Variants in ZMAT4 observed in about 807,000 individuals in gnomAD.
ZMAT4 encodes zinc finger matrin-type 4.
In ZMAT4, 17 loss-of-function variants were observed where a neutral mutation model predicts 28.7. The ratio of observed to expected loss-of-function variants is 0.59; its 90% CI spans 0.41 to 0.89. ZMAT4 has a LOEUF of 0.89. ZMAT4 is among the 40% of genes least tolerant of loss of function. The probability of loss-of-function intolerance (pLI) is 0.00; values close to 1 mark genes in which losing one functional copy is unlikely to be tolerated. For missense variants in ZMAT4, 240 were observed against 283.8 expected (o/e 0.85, Z 1.11); for synonymous variants, 117 against 109.2 (o/e 1.07, Z -0.44).
intron 2 of ZMAT4, among the ~76,000 whole-genome samples, chr8:40,793,191 A>G (rs1185936633): frequency 6.6e-6 from 1 of 152,194 alleles, no homozygotes; most frequent in Non-Finnish European, 1.5e-5. Flanking sequence ...CCGTGGTGAG[A>G]GGGGGGTACA....
chr8:40,755,521 C>T (rs1166979070), intron 3 of ZMAT4, among the ~76,000 whole-genome samples: 2 of 152,086 alleles, frequency 1.3e-5, no homozygotes, highest in African/African-American at 4.8e-5. Context: ...GGCCCGATCT[C>T]GGCTCACTGC....
Position 40,648,214 on chromosome 8 carries a change from C to A in ZMAT4, c.577+26490G>T, listed in dbSNP as rs544323471. ...GAACGTATAACTAGAATAACCAATACAGAGAAGTGCTTAAAGGAGCTGATG... is the reference window on the plus strand; with the variant it reads ...GAACGTATAACTAGAATAACCAATAAAGAGAAGTGCTTAAAGGAGCTGATG... On this transcript the variant is annotated intron_variant, in intron 5 of 6. Transcript: ENST00000297737. Among the ~76,000 whole-genome samples the A allele has an allele frequency of 5.5e-4, 84 of 152,124 alleles. 2 individuals carry two copies. The highest frequency in any genetic ancestry group is 2.0e-3 in the African/African-American group (82 of 41,476).
At chr8:40,614,774 C>T (rs1330545046) in intron 5 of ZMAT4, among the ~76,000 whole-genome samples, 1 of 152,116 alleles carries the variant, frequency 6.6e-6, no homozygotes, top group Admixed American at 6.6e-5. Flanking sequence ...TTTCCATTTG[C>T]TTGGTAGATC....
At chr8:40,797,738 T>C (rs916173308) in intron 2 of ZMAT4, among the ~76,000 whole-genome samples, 8 of 152,104 alleles carry the variant, frequency 5.3e-5, no homozygotes, top group Non-Finnish European at 1.0e-4. Context: ...CCTCAGTAAA[T>C]GGAAATGTTG....
At position 40,674,786 on chromosome 8, in the gene ZMAT4, A is replaced by G. The variant is rs1253444489; in HGVS notation, c.495T>C (p.Asp165=). ...CCGCATTCTTTTTGTGTTTCTTGCC[A>G]TCATAATGTTGCTGGGCCATCAGAG... The part of the protein sequence containing the change: ...NNPLMAQQHY[D]GKKHKKNAAR... The change falls in exon 5 of 7, where the codon GAT becomes GAC. Residue 165 remains aspartate (D), a synonymous_variant. Transcript: ENST00000297737. 1.2e-6 allele frequency: 2 copies of G among 1,613,932 alleles called. No individual in the cohort carries two copies. The highest frequency in any genetic ancestry group is 1.7e-6 in the Non-Finnish European group (2 of 1,179,916).
At chr8:40,712,408 G>A (rs1386867050) in intron 3 of ZMAT4, among the ~76,000 whole-genome samples, 1 of 152,232 alleles carries the variant, frequency 6.6e-6, no homozygotes, top group Non-Finnish European at 1.5e-5. Context: ...CCCAGACTCA[G>A]ATTTGTACTA....
At chr8:40,645,002 G>C (rs963260853) in intron 5 of ZMAT4, among the ~76,000 whole-genome samples, 1 of 152,118 alleles carries the variant, frequency 6.6e-6, no homozygotes, top group East Asian at 1.9e-4. Context: ...ACAGCCAAGA[G>C]GAGGAGTCTA....
intron 2 of ZMAT4, among the ~76,000 whole-genome samples, chr8:40,781,613 TTAGCCGGGCGTA>T (rs1813828260): frequency 6.7e-6 from 1 of 148,992 alleles, no homozygotes; most frequent in Non-Finnish European, 1.5e-5. Context: ...ATACAAAAAA[TTAGCCGGGCGTA>T]GTGGCGGGCG....
intron 6 of ZMAT4, among the ~76,000 whole-genome samples, chr8:40,545,342 G>C (rs1243515311): frequency 2.6e-5 from 4 of 152,084 alleles, no homozygotes; most frequent in African/African-American, 9.7e-5. Flanking sequence ...AATAAATGTT[G>C]TTGTTTGAAG....
chr8:40,847,218 C>T (rs28505177), intron 1 of ZMAT4, among the ~76,000 whole-genome samples: 2 of 120,444 alleles, frequency 1.7e-5, no homozygotes, highest in Non-Finnish European at 3.6e-5. Flanking sequence ...AACAAACAAA[C>T]AAAAAAAAAA....
intron 5 of ZMAT4, among the ~76,000 whole-genome samples, chr8:40,643,299 A>G (rs1283052870): frequency 6.6e-6 from 1 of 152,184 alleles, no homozygotes; most frequent in Non-Finnish European, 1.5e-5. Context: ...GATCTTCAGT[A>G]ACTGTTCTCA....
At chr8:40,822,358 C>G (rs1374048056) in intron 2 of ZMAT4, among the ~76,000 whole-genome samples, 1 of 152,150 alleles carries the variant, frequency 6.6e-6, no homozygotes, top group Non-Finnish European at 1.5e-5. Flanking sequence ...CATAAGGAAG[C>G]TGAGAAAACT....
At chr8:40,667,162 AT>A (rs908227611) in intron 5 of ZMAT4, among the ~76,000 whole-genome samples, 6 of 150,032 alleles carry the variant, frequency 4.0e-5, no homozygotes, top group Non-Finnish European at 7.4e-5. Context: ...TTTTATTTTT[AT>A]TTTTTTCTTT....
chr8:40,609,344 G>A (rs1052055039), intron 5 of ZMAT4, among the ~76,000 whole-genome samples: 1 of 152,124 alleles, frequency 6.6e-6, no homozygotes, highest in Non-Finnish European at 1.5e-5. Flanking sequence ...TCTCAGACCA[G>A]CATTGGTCTA....
intron 5 of ZMAT4, among the ~76,000 whole-genome samples, chr8:40,642,842 A>G (rs1011847130): frequency 2.0e-5 from 3 of 152,206 alleles, no homozygotes; most frequent in Non-Finnish European, 4.4e-5. Flanking sequence ...AACCTCACAT[A>G]TAAGCCATAT....
chr8:40,746,345 C>CCTTTCCTTTCCTTTA (rs1812230826), intron 3 of ZMAT4, among the ~76,000 whole-genome samples: 1 of 141,554 alleles, frequency 7.1e-6, no homozygotes, highest in Admixed American at 7.4e-5. Context: ...CCTTTCCTTT[C>CCTTTCCTTTCCTTTA]CTTTCCTTCC....
intron 5 of ZMAT4, among the ~76,000 whole-genome samples, chr8:40,613,014 T>C (rs1229653162): frequency 2.0e-5 from 3 of 151,526 alleles, no homozygotes; most frequent in Non-Finnish European, 4.4e-5. Context: ...GGTTTCACCA[T>C]GTTGGCTAGG....
intron 4 of ZMAT4, 192 bp downstream of exon 4, chr8:40,697,053 C>T (rs1402853306): frequency 1.3e-5 from 7 of 524,726 alleles, no homozygotes; most frequent in Non-Finnish European, 1.3e-5. Flanking sequence ...AGAATGAGCA[C>T]CTGAAATGGT....
intron 5 of ZMAT4, among the ~76,000 whole-genome samples, chr8:40,592,263 T>C (rs1804920106): frequency 1.3e-5 from 2 of 152,162 alleles, no homozygotes; most frequent in African/African-American, 4.8e-5. Context: ...GCGCATCCAA[T>C]CTTACACTTG....
Sources: gnomAD v4.1 joint callset for allele counts (sites outside exome capture counted in the v4.1 genomes callset) on GRCh38, gnomAD v4.1.1 for gene constraint, MANE v1.5 for transcripts, NCBI Gene and HGNC (gene_info 2026-07-23, HGNC 2026-07-21) for gene names.